Variants in ADRA1B observed in about 807,000 individuals in gnomAD.
The protein encoded by ADRA1B is alpha-1B adrenergic receptor.
In ADRA1B, 17 loss-of-function variants were observed where a neutral mutation model predicts 17.9. That is an observed-to-expected ratio of 0.95 (90% CI 0.65 to 1.42). The LOEUF is 1.42. Among genes scored for constraint, ADRA1B ranks in the 40% most tolerant of loss-of-function variants. ADRA1B has a pLI of 0.00. For synonymous variants in ADRA1B, 366 were observed against 327.6 expected (o/e 1.12, Z -1.27); for missense variants, 681 against 722.1 (o/e 0.94, Z 0.65).
chr5:159,972,129 G>C lies in ADRA1B; in HGVS notation c.1200G>C (p.Ser400=), dbSNP rs778237365. ...PWTRGGSLER[S]QSRKDSLDDS... is the part of the protein sequence containing the mutation. ...CGCGCGGCGGCTCGCTGGAGCGCTC[G>C]CAGTCGCGCAAGGACTCGCTGGACG... Residue 400 remains serine (S), a synonymous_variant, in exon 2 of 2, where the codon TCG becomes TCC. Transcript: ENST00000306675. 5.1e-5 allele frequency: 68 copies of C among 1,329,344 alleles called. No individual in the cohort carries two copies. Among genetic ancestry groups the C allele is most frequent in the Non-Finnish European group, 6.3e-5 (65 of 1,030,266 alleles). The allele number at this position is 1,329,344 out of a possible 1,614,324, so 82.3% of individuals were successfully genotyped here.
At chr5:159,897,315 G>A (rs575623885) in intron 1 of ADRA1B, among the ~76,000 whole-genome samples, 13 of 152,004 alleles carry the variant, frequency 8.6e-5, no homozygotes, top group East Asian at 3.9e-4. Context: ...GTGAAACCCC[G>A]TCTCTACTAC....
At chr5:159,930,551 C>T (rs768564063) in intron 1 of ADRA1B, among the ~76,000 whole-genome samples, 1 of 152,156 alleles carries the variant, frequency 6.6e-6, no homozygotes, top group Non-Finnish European at 1.5e-5. Context: ...TGCACTCCAG[C>T]CTGGGTGACA....
At chr5:159,922,658 G>T (rs1191450088) in intron 1 of ADRA1B, among the ~76,000 whole-genome samples, 1 of 152,032 alleles carries the variant, frequency 6.6e-6, no homozygotes, top group African/African-American at 2.4e-5. Flanking sequence ...CTCAGGATTG[G>T]GCATTTTGTC....
chr5:159,923,917 G>A (rs531785873), intron 1 of ADRA1B, among the ~76,000 whole-genome samples: 31 of 152,366 alleles, frequency 2.0e-4, no homozygotes, highest in Middle Eastern at 6.8e-3. Flanking sequence ...AGCAAGCATC[G>A]TCATCCCTGT....
intron 1 of ADRA1B, among the ~76,000 whole-genome samples, chr5:159,876,586 G>A (rs1753805109): frequency 6.6e-6 from 1 of 152,200 alleles, no homozygotes; most frequent in African/African-American, 2.4e-5. Flanking sequence ...TTCAGCAGAG[G>A]GGGGTCCATC....
chr5:159,968,126 G>A lies in ADRA1B; in HGVS notation c.950-3753G>A, dbSNP rs553115934. On this transcript the variant is annotated intron_variant, in intron 1 of 1. Coordinates refer to ENST00000306675, the MANE Select transcript of ADRA1B (RefSeq NM_000679.4). ...AGCAGGAGCTTAGTGTTTGTGGAAC[G>A]GATGAATGAACGAACAAATGAATGG... 8.0e-4 allele frequency among the ~76,000 whole-genome samples: 121 copies of A among 152,140 alleles called. 1 individual carries two copies. The highest frequency in any genetic ancestry group is 2.9e-3 in the African/African-American group (119 of 41,498).
chr5:159,960,127 G>T (rs917339850), intron 1 of ADRA1B, among the ~76,000 whole-genome samples: 17 of 152,152 alleles, frequency 1.1e-4, no homozygotes, highest in Admixed American at 9.8e-4. Context: ...GATCTTAGCG[G>T]GTCTTCTCAG....
In ADRA1B at chr5:159,916,868, C is replaced by A. The variant is rs754600229; in HGVS notation, c.-38C>A. On this transcript the variant is annotated 5_prime_UTR_variant, in exon 1 of 2. Transcript: ENST00000306675. ...GAGCCTTCGCCGCAGCCCTTCCGAG[C>A]CCAATCATCCCCCTGGCTATGGAGG... The A allele has an allele frequency of 1.3e-6, 2 of 1,559,880 alleles. No homozygotes were observed. Among genetic ancestry groups the A allele is most frequent in the Non-Finnish European group, 8.7e-7 (1 of 1,149,228 alleles).
At chr5:159,908,573 T>C (rs1754192041) in intron 1 of ADRA1B, among the ~76,000 whole-genome samples, 1 of 152,182 alleles carries the variant, frequency 6.6e-6, no homozygotes, top group Non-Finnish European at 1.5e-5. Context: ...GGAAGTAGCC[T>C]GAGTCCCTCA....
chr5:159,979,293 G>A, the ADRA1B span, among the ~76,000 whole-genome samples: 3 of 152,202 alleles, frequency 2.0e-5, no homozygotes, highest in Admixed American at 1.3e-4. Context: ...TTTATTAGTT[G>A]TGTCTTCTTG....
rs1473940093 is a variant in ADRA1B at position 159,972,911 on chromosome 5, T to A, written c.*419T>A. On this transcript the variant is annotated 3_prime_UTR_variant, in exon 2 of 2. Coordinates refer to ENST00000306675, the MANE Select transcript of ADRA1B (RefSeq NM_000679.4). ...GAGGCAACCGGGGGCGTTGTGTGTG[T>A]CGTGACTTCGTACCTCTCAAGCCCC... Among the ~76,000 whole-genome samples the A allele has an allele frequency of 6.6e-6, 1 of 152,208 alleles. No homozygotes were observed. Among genetic ancestry groups the A allele is most frequent in the Non-Finnish European group, 1.5e-5 (1 of 68,032 alleles).
chr5:159,905,935 C>T (rs1754157489), intron 1 of ADRA1B, among the ~76,000 whole-genome samples: 1 of 151,888 alleles, frequency 6.6e-6, no homozygotes, highest in Admixed American at 6.6e-5. Flanking sequence ...TGGCTCACTG[C>T]AACTTCCGCC....
intron 1 of ADRA1B, among the ~76,000 whole-genome samples, chr5:159,940,220 T>C (rs1755087754): frequency 6.6e-6 from 1 of 152,242 alleles, no homozygotes; most frequent in Non-Finnish European, 1.5e-5. Context: ...AATCTTCTTC[T>C]AGACTTATCT....
chr5:159,962,626 A>G (rs1755686979), intron 1 of ADRA1B, among the ~76,000 whole-genome samples: 1 of 151,782 alleles, frequency 6.6e-6, no homozygotes, highest in South Asian at 2.1e-4. Flanking sequence ...GCGGCACATA[A>G]CAAGGACCCA....
the ADRA1B span, among the ~76,000 whole-genome samples, chr5:159,981,481 T>C: frequency 3.9e-5 from 6 of 152,180 alleles, no homozygotes; most frequent in Non-Finnish European, 8.8e-5. Context: ...TTTTGTATTA[T>C]TAGATGTCAC....
downstream of ADRA1B, among the ~76,000 whole-genome samples, chr5:159,974,511 CT>C (rs1755942634): frequency 6.6e-6 from 1 of 151,912 alleles, no homozygotes; most frequent in Non-Finnish European, 1.5e-5. Context: ...TGGTGGGCAC[CT>C]GTAATCCCAG....
chr5:159,963,306 A>ATATATATATATATATATATATATATATC lies in ADRA1B; in HGVS notation c.950-8570_950-8569insATATATATATATATATATATATATCTAT, dbSNP rs1561610064. Reference sequence around the variant, plus strand: ...AAAAAAAGTATATATATATATATATATATCCACACACATAAGTATGTATAT... The same window carrying ATATATATATATATATATATATATATATC: ...AAAAAAAGTATATATATATATATATATATATATATATATATATATATATATATCTATCCACACACATAAGTATGTATAT... On this transcript the variant is annotated intron_variant, in intron 1 of 1. Transcript: ENST00000306675. Among the ~76,000 whole-genome samples, 63 of 150,130 alleles carry ATATATATATATATATATATATATATATC rather than the reference A, an allele frequency of 4.2e-4. 1 individual carries two copies. The highest frequency in any genetic ancestry group is 1.4e-3 in the African/African-American group (58 of 40,528).
intron 1 of ADRA1B, chr5:159,947,936 C>G (rs1380731533): frequency 2.0e-6 from 2 of 985,324 alleles, no homozygotes; most frequent in East Asian, 2.3e-4. Context: ...CAAGCTCTTC[C>G]AAGCTCCAGC....
intron 1 of ADRA1B, among the ~76,000 whole-genome samples, chr5:159,895,874 T>C (rs932825752): frequency 6.6e-6 from 1 of 152,228 alleles, no homozygotes; most frequent in South Asian, 2.1e-4. Flanking sequence ...CCCAGCACTT[T>C]GGGATGCCAA....
Sources: allele counts gnomAD v4.1 joint callset (sites outside exome capture counted in the v4.1 genomes callset), GRCh38; gene constraint gnomAD v4.1.1; transcripts MANE v1.5; gene names NCBI Gene and HGNC (gene_info 2026-07-23, HGNC 2026-07-21).